Variants in RBM4 observed in about 807,000 individuals in gnomAD.
RBM4 encodes RNA binding motif protein 4.
Under a neutral mutation model 29.5 loss-of-function variants are expected in RBM4, and 7 were observed. The ratio of observed to expected loss-of-function variants is 0.24; its 90% CI spans 0.14 to 0.45. The LOEUF (loss-of-function observed/expected upper bound fraction) is 0.45, where lower values mean the gene tolerates loss of function less well. RBM4 is among the 20% of genes least tolerant of loss of function. The probability of loss-of-function intolerance (pLI) is 1.00; values close to 1 mark genes in which losing one functional copy is unlikely to be tolerated. For missense variants in RBM4, 387 were observed against 502.3 expected, an observed-to-expected ratio of 0.77 and a Z score of 2.19; for synonymous variants, 220 against 205.4, an observed-to-expected ratio of 1.07 and a Z score of -0.61.
chr11:66,640,279 C>A, intron 2 of RBM4, 156 bp downstream of exon 2: 1 of 1,009,386 alleles, frequency 9.9e-7, no homozygotes, highest in Non-Finnish European at 1.5e-6. Context: ...ATGTAGAATG[C>A]ATGGGACTTA....
intron 3 of RBM4, chr11:66,644,889 G>C (rs1938624160): frequency 5.7e-6 from 1 of 174,450 alleles, no homozygotes; most frequent in Non-Finnish European, 1.1e-5. Flanking sequence ...ATATCTTTCA[G>C]TCTGTCCTAT....
intron 2 of RBM4, among the ~76,000 whole-genome samples, chr11:66,651,772 G>A (rs1938837314): frequency 1.3e-5 from 2 of 152,186 alleles, no homozygotes; most frequent in South Asian, 2.1e-4. Context: ...GATCAAGGCC[G>A]TGGCAGACGT....
intron 2 of RBM4, among the ~76,000 whole-genome samples, chr11:66,653,260 CT>C (rs1938870791): frequency 6.6e-6 from 1 of 152,134 alleles, no homozygotes; most frequent in African/African-American, 2.4e-5. Context: ...TCTGCCGCCC[CT>C]GAGACAGCCA....
rs376809532 is a variant in RBM4, at chr11:66,643,582, G to A, written c.545G>A (p.Arg182His). 21 of 1,614,146 alleles carry A rather than the reference G, an allele frequency of 1.3e-5. No individual in the cohort carries two copies. Among genetic ancestry groups the A allele is most frequent in the Middle Eastern group, 1.6e-4 (1 of 6,062 alleles). The change falls in exon 3 of 4, where the codon CGC (arginine) becomes CAC (histidine). Residue 182 changes from arginine to histidine, a missense_variant. By Grantham distance (29) the Arg-to-His change is conservative. Transcript: ENST00000310092. This position sits in a 1 kb window ranked among gnomAD's most constrained non-coding sequence, Gnocchi z 6.1. ...SKECPIDRSG[R>H]VADLTEQYNE... is the part of the protein sequence containing the mutation. ...GAGTGTCCGATAGATCGTTCAGGCC[G>A]CGTGGCAGACTTGACCGAGCAATAT...
At chr11:66,640,410 TG>T (rs1185144875) in intron 2 of RBM4, 15 of 530,670 alleles carry the variant, frequency 2.8e-5, no homozygotes, top group African/African-American at 2.3e-4. Context: ...TCTGAGTTAC[TG>T]GGCCTTTTTT....
chr11:66,655,532 G>A (rs544461627), intron 2 of RBM4, among the ~76,000 whole-genome samples: 8 of 152,238 alleles, frequency 5.3e-5, no homozygotes, highest in Admixed American at 2.6e-4. Flanking sequence ...TTCTCACCTC[G>A]GCCTCCCAAA....
chr11:66,657,034 A>G (rs1195120505), intron 2 of RBM4, among the ~76,000 whole-genome samples: 1 of 151,826 alleles, frequency 6.6e-6, no homozygotes, highest in Non-Finnish European at 1.5e-5. Context: ...ATCAAAATAC[A>G]GAACATTTTT....
At chr11:66,656,449 A>AT (rs1565086856) in intron 2 of RBM4, among the ~76,000 whole-genome samples, 1 of 151,430 alleles carries the variant, frequency 6.6e-6, no homozygotes, top group African/African-American at 2.4e-5. Flanking sequence ...CTAATTTTCT[A>AT]TTTTTTTAGT....
intron 2 of RBM4, among the ~76,000 whole-genome samples, chr11:66,656,691 C>G (rs529333944): frequency 6.8e-6 from 1 of 146,464 alleles, no homozygotes; most frequent in Non-Finnish European, 1.5e-5. Flanking sequence ...GATGGTGTCT[C>G]ACTCTATTGC....
intron 2 of RBM4, among the ~76,000 whole-genome samples, chr11:66,663,320 A>G (rs1939120656): frequency 6.6e-6 from 1 of 152,250 alleles, no homozygotes; most frequent in South Asian, 2.1e-4. Flanking sequence ...GCAGAATATT[A>G]GCACCTTGGG....
chr11:66,642,874 C>T (rs536047732), intron 2 of RBM4, among the ~76,000 whole-genome samples: 2 of 152,332 alleles, frequency 1.3e-5, no homozygotes, highest in South Asian at 2.1e-4. Context: ...TGTTGTGCCC[C>T]TCTGTCTCCC....
At chr11:66,664,171 GTT>G (rs767344100) in intron 2 of RBM4, among the ~76,000 whole-genome samples, 13 of 113,548 alleles carry the variant, frequency 1.1e-4, no homozygotes, top group Non-Finnish European at 5.5e-5. Flanking sequence ...ATGCCCAGCT[GTT>G]TTTTTTTTTT....
intron 2 of RBM4, among the ~76,000 whole-genome samples, chr11:66,657,749 T>A (rs1489727620): frequency 6.6e-6 from 1 of 151,294 alleles, no homozygotes; most frequent in Non-Finnish European, 1.5e-5. Context: ...TCCCCCACCT[T>A]TTTTTTGAGA....
chr11:66,647,972 C>T (rs977759096), downstream of RBM4, among the ~76,000 whole-genome samples: 2 of 151,928 alleles, frequency 1.3e-5, no homozygotes, highest in Non-Finnish European at 1.5e-5. Context: ...TGGGAGGCCA[C>T]GGTGGGTGGA....
chr11:66,667,669 T>C (rs936229010), exon 3 of RBM4: 4 of 152,084 alleles, frequency 2.6e-5, no homozygotes, highest in African/African-American at 4.8e-5. Context: ...AGAGTTTCCT[T>C]TGACAAAGGA....
intron 2 of RBM4, among the ~76,000 whole-genome samples, chr11:66,654,845 G>T (rs1565086316): frequency 6.6e-6 from 1 of 151,852 alleles, no homozygotes; most frequent in African/African-American, 2.4e-5. Flanking sequence ...TATTTTTTGA[G>T]ATGGAGTCTC....
intron 2 of RBM4, among the ~76,000 whole-genome samples, chr11:66,657,008 T>C (rs1052910157): frequency 6.6e-6 from 1 of 152,138 alleles, no homozygotes; most frequent in African/African-American, 2.4e-5. Flanking sequence ...GTTACAATCT[T>C]GTTCCCATTG....
intron 2 of RBM4, among the ~76,000 whole-genome samples, chr11:66,641,865 A>G (rs577984529): frequency 6.6e-6 from 1 of 152,080 alleles, no homozygotes; most frequent in South Asian, 2.1e-4. Context: ...CCCACTTAAA[A>G]TCTCTTTTAG....
intron 2 of RBM4, among the ~76,000 whole-genome samples, chr11:66,651,483 G>T (rs1450589401): frequency 6.6e-6 from 1 of 151,982 alleles, no homozygotes; most frequent in Non-Finnish European, 1.5e-5. Context: ...GAGTAACTGG[G>T]ACTACAGGCG....
Sources: allele counts gnomAD v4.1 joint callset (sites outside exome capture counted in the v4.1 genomes callset), GRCh38; gene constraint gnomAD v4.1.1; non-coding constraint Gnocchi (gnomAD v3.1); transcripts MANE v1.5; gene names NCBI Gene and HGNC (gene_info 2026-07-23, HGNC 2026-07-21).